The following CDH20 variants were observed in gnomAD, a reference collection of about 807,000 sequenced individuals.
The protein encoded by CDH20 is cadherin-20.
CDH20 carries 29 observed loss-of-function variants against 74.2 expected under a neutral mutation model. The observed-to-expected ratio is 0.39, with a 90% CI of 0.29 to 0.53. The LOEUF (loss-of-function observed/expected upper bound fraction) is 0.53, where lower values mean the gene tolerates loss of function less well. CDH20 is among the 20% of genes least tolerant of loss of function. The pLI is 0.69. For synonymous variants in CDH20, 469 were observed against 405.4 expected, an observed-to-expected ratio of 1.16 and a Z score of -1.88; for missense variants, 988 against 1,048.3, an observed-to-expected ratio of 0.94 and a Z score of 0.79.
intron 1 of CDH20, among the ~76,000 whole-genome samples, chr18:61,432,176 G>A (rs1210742187): frequency 6.6e-6 from 1 of 150,864 alleles, no homozygotes; most frequent in South Asian, 2.1e-4. Context: ...TCTGGGAAAC[G>A]GAGGTTGCAG....
chr18:61,347,999 C>A (rs1017463960), intron 1 of CDH20, among the ~76,000 whole-genome samples: 10 of 152,120 alleles, frequency 6.6e-5, no homozygotes, highest in Non-Finnish European at 1.5e-4. Context: ...AATTCCTGAG[C>A]CTATAGAACC....
intron 1 of CDH20, among the ~76,000 whole-genome samples, chr18:61,407,928 C>T (rs1912382934): frequency 6.6e-6 from 1 of 152,154 alleles, no homozygotes; most frequent in Admixed American, 6.6e-5. Context: ...TGAATAAGGC[C>T]TGTAGCTTAG....
chr18:61,554,554 T>C lies in CDH20; in HGVS notation c.2265T>C (p.Ser755=), dbSNP rs772166949. ...LQTYMFEGDG[S]VAGSLSSLQS... is the part of the protein sequence containing the mutation. ...CGTATATGTTCGAGGGGGACGGCTCTGTGGCGGGGTCGCTGAGCTCCCTGC... is the reference window on the plus strand; with the variant it reads ...CGTATATGTTCGAGGGGGACGGCTCCGTGGCGGGGTCGCTGAGCTCCCTGC... Residue 755 remains serine (S), a synonymous_variant, in exon 12 of 12, where the codon TCT becomes TCC. Coordinates refer to ENST00000262717, the MANE Select transcript of CDH20 (RefSeq NM_031891.4). 2.5e-6 allele frequency: 4 copies of C among 1,610,772 alleles called. No individual in the cohort carries two copies. Among genetic ancestry groups the C allele is most frequent in the Admixed American group, 3.3e-5 (2 of 59,814 alleles).
chr18:61,528,412 T>A (rs765530173), intron 7 of CDH20, among the ~76,000 whole-genome samples, 192 bp downstream of exon 7: 4 of 149,788 alleles, frequency 2.7e-5, no homozygotes, highest in African/African-American at 9.9e-5. Flanking sequence ...TTTAGAAGTG[T>A]CATTATATTT....
At chr18:61,508,904 T>C (rs1312777340) in intron 6 of CDH20, among the ~76,000 whole-genome samples, 1 of 152,230 alleles carries the variant, frequency 6.6e-6, no homozygotes, top group Non-Finnish European at 1.5e-5. Context: ...CCCAAAGTGC[T>C]GGGATTACAG....
chr18:61,351,427 C>G (rs1232595063), intron 1 of CDH20, among the ~76,000 whole-genome samples: 1 of 152,170 alleles, frequency 6.6e-6, no homozygotes, highest in East Asian at 1.9e-4. Context: ...GTTACTTAAT[C>G]TCTTTGATCA....
At chr18:61,452,112 C>T (rs1344434502) in intron 1 of CDH20, among the ~76,000 whole-genome samples, 1 of 152,032 alleles carries the variant, frequency 6.6e-6, no homozygotes, top group Non-Finnish European at 1.5e-5. Flanking sequence ...AAAAACACCC[C>T]CTCCCAACAG....
chr18:61,382,876 T>C (rs1325998660), intron 1 of CDH20, among the ~76,000 whole-genome samples: 1 of 152,110 alleles, frequency 6.6e-6, no homozygotes, highest in Non-Finnish European at 1.5e-5. Flanking sequence ...GCATCCACCG[T>C]GTAAGGCAGG....
At chr18:61,544,921 A>C in intron 9 of CDH20, 106 bp from the exon 10 acceptor site, 4 of 753,736 alleles carry the variant, frequency 5.3e-6, no homozygotes. Context: ...TATCCTTCTC[A>C]TAAGGTAAAA....
chr18:61,502,014 T>C (rs1911401141), intron 4 of CDH20, among the ~76,000 whole-genome samples: 1 of 152,184 alleles, frequency 6.6e-6, no homozygotes, highest in Admixed American at 6.5e-5. Flanking sequence ...CAATGCAATA[T>C]ATACATTATA....
At chr18:61,416,538 C>A (rs867959927) in intron 1 of CDH20, among the ~76,000 whole-genome samples, 1 of 152,238 alleles carries the variant, frequency 6.6e-6, no homozygotes, top group Non-Finnish European at 1.5e-5. Context: ...GATTGCCTCA[C>A]TATCCAATTT....
At chr18:61,410,977 G>C (rs918013179) in intron 1 of CDH20, among the ~76,000 whole-genome samples, 6 of 152,136 alleles carry the variant, frequency 3.9e-5, no homozygotes, top group African/African-American at 9.7e-5. Flanking sequence ...GAGGCGGGCG[G>C]ATCACAAGGT....
chr18:61,339,953 G>A (rs1909891647), intron 1 of CDH20, among the ~76,000 whole-genome samples: 1 of 152,008 alleles, frequency 6.6e-6, no homozygotes, highest in Admixed American at 6.5e-5. Flanking sequence ...GCCTCGCAAA[G>A]TGCTGGGATT....
chr18:61,496,640 T>G (rs1293753800), intron 2 of CDH20, among the ~76,000 whole-genome samples: 1 of 152,162 alleles, frequency 6.6e-6, no homozygotes, highest in Non-Finnish European at 1.5e-5. Context: ...TAAAGCGCGC[T>G]CACCTGCGGC....
At chr18:61,413,946 G>GAAACCTGTTCATAAT (rs1382900215) in intron 1 of CDH20, among the ~76,000 whole-genome samples, 1 of 152,104 alleles carries the variant, frequency 6.6e-6, no homozygotes, top group Non-Finnish European at 1.5e-5. Context: ...AGGTTGTCAA[G>GAAACCTGTTCATAAT]AAACCTGTTC....
intron 1 of CDH20, among the ~76,000 whole-genome samples, chr18:61,469,766 C>T (rs528680597): frequency 2.0e-5 from 3 of 152,254 alleles, no homozygotes; most frequent in Admixed American, 6.5e-5. Context: ...ATTATCATTT[C>T]CAGTTACCTA....
At chr18:61,468,107 G>C (rs1910030417) in intron 1 of CDH20, among the ~76,000 whole-genome samples, 1 of 152,196 alleles carries the variant, frequency 6.6e-6, no homozygotes, top group Admixed American at 6.5e-5. Flanking sequence ...CTCCCCTGGA[G>C]AATGTGATTC....
At chr18:61,485,685 A>G (rs773280813) in intron 1 of CDH20, among the ~76,000 whole-genome samples, 1 of 152,222 alleles carries the variant, frequency 6.6e-6, no homozygotes, top group Non-Finnish European at 1.5e-5. Context: ...ACATGACAGT[A>G]TATCATAAGG....
chr18:61,532,450 GA>G (rs1028744673), intron 7 of CDH20, among the ~76,000 whole-genome samples: 3 of 150,152 alleles, frequency 2.0e-5, no homozygotes, highest in African/African-American at 7.4e-5. Context: ...AATCTCTGCA[GA>G]AAAAAAATAT....
Sources: gnomAD v4.1 joint callset for allele counts (sites outside exome capture counted in the v4.1 genomes callset) on GRCh38, gnomAD v4.1.1 for gene constraint, MANE v1.5 for transcripts, NCBI Gene and HGNC (gene_info 2026-07-23, HGNC 2026-07-21) for gene names.